The following SCHIP1 variants were observed in gnomAD, a reference collection of about 807,000 sequenced individuals.
SCHIP1 encodes schwannomin interacting protein 1.
A neutral mutation model predicts 29.7 loss-of-function variants in SCHIP1; 8 were observed. The observed-to-expected ratio is 0.27, with a 90% confidence interval of 0.16 to 0.49. The LOEUF (loss-of-function observed/expected upper bound fraction) is 0.49, where lower values mean the gene tolerates loss of function less well. Ranked by LOEUF, SCHIP1 falls within the 20% of genes least tolerant of loss-of-function variation. The probability of loss-of-function intolerance (pLI) is 0.99; values close to 1 mark genes in which losing one functional copy is unlikely to be tolerated. For synonymous variants in SCHIP1, 76 were observed against 94.9 expected, an observed-to-expected ratio of 0.80 and a Z score of 1.16; for missense variants, 193 against 294.6, an observed-to-expected ratio of 0.66 and a Z score of 2.52.
the SCHIP1 span, among the ~76,000 whole-genome samples, chr3:159,701,936 A>G: frequency 1.3e-5 from 2 of 152,156 alleles, no homozygotes; most frequent in Admixed American, 6.5e-5. Flanking sequence ...TTGAAGTCCA[A>G]GCTCCAAAGC....
chr3:159,578,723 C>A, the SCHIP1 span, among the ~76,000 whole-genome samples: 2 of 151,524 alleles, frequency 1.3e-5, no homozygotes, highest in Non-Finnish European at 2.9e-5. Flanking sequence ...AGCATAGTAT[C>A]TTGAAGTCTC....
chr3:159,606,212 T>A, the SCHIP1 span, among the ~76,000 whole-genome samples: 1 of 152,194 alleles, frequency 6.6e-6, no homozygotes, highest in Non-Finnish European at 1.5e-5. Flanking sequence ...TTCACAGCAC[T>A]CACTGGTAGC....
At chr3:159,853,080 T>C (rs780822964) in intron 1 of SCHIP1, 2 of 279,000 alleles carry the variant, frequency 7.2e-6, no homozygotes, top group Non-Finnish European at 1.3e-5. Flanking sequence ...GGCGGGATCA[T>C]TCAGGGGAAG....
chr3:159,851,803 C>A (rs908460782), intron 1 of SCHIP1, among the ~76,000 whole-genome samples: 10 of 152,182 alleles, frequency 6.6e-5, no homozygotes, highest in Admixed American at 1.3e-4. Context: ...GTGGGACCCC[C>A]ATCTGGAGTG....
At chr3:159,484,636 G>A in the SCHIP1 span, among the ~76,000 whole-genome samples, 5 of 152,100 alleles carry the variant, frequency 3.3e-5, no homozygotes, top group Admixed American at 2.6e-4. Context: ...AAAGTCAAAC[G>A]AGAAACTCTA....
At chr3:159,831,338 C>G in the SCHIP1 span, among the ~76,000 whole-genome samples, 2 of 152,274 alleles carry the variant, frequency 1.3e-5, no homozygotes, top group East Asian at 3.9e-4. Flanking sequence ...TACTAACTTA[C>G]TTATTGATAT....
the SCHIP1 span, among the ~76,000 whole-genome samples, chr3:159,627,061 G>T: frequency 6.6e-6 from 1 of 152,144 alleles, no homozygotes; most frequent in Non-Finnish European, 1.5e-5. Context: ...CCCGGTGTGT[G>T]TTGTTCCACT....
the SCHIP1 span, among the ~76,000 whole-genome samples, chr3:159,657,640 C>T: frequency 6.6e-6 from 1 of 152,222 alleles, no homozygotes. Context: ...GATGAGGGCC[C>T]TGAACCTTCC....
At chr3:159,705,486 A>G in the SCHIP1 span, among the ~76,000 whole-genome samples, 1 of 151,974 alleles carries the variant, frequency 6.6e-6, no homozygotes, top group Non-Finnish European at 1.5e-5. Flanking sequence ...GATTAGATGA[A>G]GGGCCAGGAC....
the SCHIP1 span, among the ~76,000 whole-genome samples, chr3:159,602,022 G>A: frequency 6.6e-6 from 1 of 152,166 alleles, no homozygotes; most frequent in African/African-American, 2.4e-5. Flanking sequence ...TCCTTGTCTG[G>A]TTCAATAACC....
chr3:159,289,212 G>A, the SCHIP1 span, among the ~76,000 whole-genome samples: 1 of 152,136 alleles, frequency 6.6e-6, no homozygotes, highest in Non-Finnish European at 1.5e-5. Flanking sequence ...TCTCCACAAA[G>A]CACCCAGTGT....
the SCHIP1 span, among the ~76,000 whole-genome samples, chr3:159,715,586 C>A: frequency 6.6e-6 from 1 of 152,112 alleles, no homozygotes; most frequent in South Asian, 2.1e-4. Flanking sequence ...AACCATGGCA[C>A]GAGAACTACG....
the SCHIP1 span, among the ~76,000 whole-genome samples, chr3:159,810,068 C>T: frequency 8.1e-4 from 123 of 152,250 alleles, no homozygotes; most frequent in African/African-American, 2.6e-3. Flanking sequence ...TGTTTTGAGA[C>T]GGAGTCTCGC....
intron 1 of SCHIP1, among the ~76,000 whole-genome samples, chr3:159,847,956 C>T (rs1016784671): frequency 6.6e-6 from 1 of 151,820 alleles, no homozygotes; most frequent in African/African-American, 2.4e-5. Flanking sequence ...ATGTTAAGGC[C>T]GAGGAGAAGG....
intron 1 of SCHIP1, among the ~76,000 whole-genome samples, chr3:159,854,926 C>G (rs1713144371): frequency 6.6e-6 from 1 of 152,226 alleles, no homozygotes; most frequent in Non-Finnish European, 1.5e-5. Flanking sequence ...CACCAGCAAC[C>G]TGAGACAGGG....
chr3:159,709,247 A>T, the SCHIP1 span, among the ~76,000 whole-genome samples: 1 of 152,162 alleles, frequency 6.6e-6, no homozygotes, highest in Non-Finnish European at 1.5e-5. Context: ...TGGCTATAAG[A>T]GTAACATGAG....
the SCHIP1 span, among the ~76,000 whole-genome samples, chr3:159,479,245 CT>C: frequency 6.6e-6 from 1 of 151,940 alleles, no homozygotes; most frequent in African/African-American, 2.4e-5. Context: ...GAGTATTATG[CT>C]TTTTATATGT....
chr3:159,426,191 T>A, the SCHIP1 span, among the ~76,000 whole-genome samples: 8 of 151,572 alleles, frequency 5.3e-5, no homozygotes, highest in Non-Finnish European at 4.4e-5. Context: ...ATAACTAAGA[T>A]CAGAGCAGAA....
the SCHIP1 span, among the ~76,000 whole-genome samples, chr3:159,601,954 T>C: frequency 2.0e-5 from 3 of 152,178 alleles, no homozygotes; most frequent in African/African-American, 7.2e-5. Context: ...GCTCCAAAAG[T>C]GTACTCTGCC....
Sources: allele counts gnomAD v4.1 joint callset (sites outside exome capture counted in the v4.1 genomes callset), GRCh38; gene constraint gnomAD v4.1.1; transcripts MANE v1.5; gene names NCBI Gene and HGNC (gene_info 2026-07-23, HGNC 2026-07-21).